Variants in CD47 observed in about 807,000 individuals in gnomAD.
The protein encoded by CD47 is leukocyte surface antigen CD47.
CD47 carries 11 observed loss-of-function variants against 44.6 expected under a neutral mutation model. That is an observed-to-expected ratio of 0.25 (90% CI 0.16 to 0.41). The LOEUF (loss-of-function observed/expected upper bound fraction) is 0.41. Among genes scored for constraint, CD47 ranks in the 10% least tolerant of loss-of-function variants. The pLI is 1.00. For synonymous variants in CD47, 140 were observed against 136.3 expected, an observed-to-expected ratio of 1.03 and a Z score of -0.19; for missense variants, 306 against 386.7, an observed-to-expected ratio of 0.79 and a Z score of 1.75.
chr3:108,084,078 T>C (rs1206048660), intron 1 of CD47, among the ~76,000 whole-genome samples: 1 of 151,918 alleles, frequency 6.6e-6, no homozygotes, highest in Non-Finnish European at 1.5e-5. Context: ...ATTGCTTGAA[T>C]ATTTGCCAAC....
intron 3 of CD47, among the ~76,000 whole-genome samples, chr3:108,069,908 T>C (rs1172355638): frequency 6.6e-6 from 1 of 152,060 alleles, no homozygotes; most frequent in Non-Finnish European, 1.5e-5. Flanking sequence ...AACTAAGAGA[T>C]TATAAGAAAA....
At chr3:108,080,930 C>T (rs187921882) in intron 1 of CD47, among the ~76,000 whole-genome samples, 93 of 151,540 alleles carry the variant, frequency 6.1e-4, no homozygotes, top group African/African-American at 2.2e-3. Context: ...TCTTAAAATA[C>T]TAATGAGGAA....
At chr3:108,068,016 C>T (rs1455090686) in intron 3 of CD47, among the ~76,000 whole-genome samples, 1 of 152,148 alleles carries the variant, frequency 6.6e-6, no homozygotes, top group Non-Finnish European at 1.5e-5. Flanking sequence ...GCTGGAAAAA[C>T]CACTGAGAGA....
chr3:108,047,682 G>T (rs886235689), intron 10 of CD47, among the ~76,000 whole-genome samples: 1 of 152,178 alleles, frequency 6.6e-6, no homozygotes, highest in Non-Finnish European at 1.5e-5. Flanking sequence ...AGAGAAAAAT[G>T]GTACTGACTC....
intron 3 of CD47, among the ~76,000 whole-genome samples, chr3:108,067,819 G>A (rs2079130171): frequency 6.6e-6 from 1 of 152,206 alleles, no homozygotes; most frequent in Non-Finnish European, 1.5e-5. Context: ...GAGTTTAAGA[G>A]TCTTCTCAGG....
Position 108,047,215 on chromosome 3 carries a change from T to G in CD47, c.*73A>C, listed in dbSNP as rs1395632200. ...CCCCAACAGTGAATCATCAAGGCCATGGTGCTTAAACACAAGTGTATTCCT... is the reference window on the plus strand; with the variant it reads ...CCCCAACAGTGAATCATCAAGGCCAGGGTGCTTAAACACAAGTGTATTCCT... On this transcript the variant is annotated 3_prime_UTR_variant, in exon 11 of 11. Transcript: ENST00000361309. The G allele has an allele frequency of 7.9e-7, 1 of 1,265,442 alleles. No homozygotes were observed. The highest frequency in any genetic ancestry group is 1.1e-6 in the Non-Finnish European group (1 of 877,338). The allele number at this position is 1,265,442 out of a possible 1,614,324, so 78.4% of individuals were successfully genotyped here. A position where few individuals can be genotyped will look rare whatever the true frequency, so the allele number is the denominator to read the frequency against.
chr3:108,057,513 C>A lies in CD47; in HGVS notation c.841G>T (p.Ala281Ser). 6.3e-7 allele frequency: 1 copy of A among 1,580,226 alleles called. No homozygotes were observed. The part of the protein sequence containing the change: ...LISGLSILAL[A>S]QLLGLVYMKF... ...ATATAAACTAGTCCAAGTAATTGTG[C>A]TAGAGCTAAGATACTCAAACCTGAA... The change falls in exon 7 of 11, where the codon GCA (alanine) becomes TCA (serine). Residue 281 changes from alanine to serine, a missense_variant. Physicochemically the swap from Ala to Ser is moderately conservative, Grantham distance 99. This residue lies in a region of CD47 where 131 missense variants were observed against 135.3 expected (regional missense o/e 0.97). Transcript: ENST00000361309.
At chr3:108,084,073 T>A (rs1195720997) in intron 1 of CD47, among the ~76,000 whole-genome samples, 3 of 151,944 alleles carry the variant, frequency 2.0e-5, no homozygotes, top group Non-Finnish European at 2.9e-5. Context: ...TAAAAATTGC[T>A]TGAATATTTG....
At chr3:108,079,954 G>C (rs767597677) in intron 2 of CD47, 37 bp downstream of exon 2, 3 of 1,435,592 alleles carry the variant, frequency 2.1e-6, no homozygotes, top group East Asian at 4.6e-5. Context: ...GGTTGCACCA[G>C]GACAAATAAA....
chr3:108,051,327 T>C (rs938372979), intron 8 of CD47, among the ~76,000 whole-genome samples: 1 of 152,244 alleles, frequency 6.6e-6, no homozygotes, highest in African/African-American at 2.4e-5. Flanking sequence ...TTTATAAATA[T>C]GCTTTTCTCT....
intron 8 of CD47, 195 bp from the exon 9 acceptor site, chr3:108,050,797 TA>T: frequency 2.0e-6 from 1 of 501,574 alleles, no homozygotes; most frequent in Middle Eastern, 3.9e-4. Flanking sequence ...GTTAATAGTT[TA>T]ATAATAACTG....
intron 2 of CD47, among the ~76,000 whole-genome samples, chr3:108,074,719 G>C (rs1188967987): frequency 7.6e-6 from 1 of 131,354 alleles, no homozygotes; most frequent in Non-Finnish European, 1.6e-5. Context: ...GGTGGGGGGG[G>C]GGGGCACACA....
At chr3:108,090,758 C>T in intron 1 of CD47, 105 bp downstream of exon 1, 1 of 1,062,934 alleles carries the variant, frequency 9.4e-7, no homozygotes, top group Non-Finnish European at 1.3e-6. Context: ...TTCTGCGCCC[C>T]GGCCACCCTC....
chr3:108,082,476 T>G (rs2079437570), intron 1 of CD47, among the ~76,000 whole-genome samples: 1 of 152,042 alleles, frequency 6.6e-6, no homozygotes, highest in African/African-American at 2.4e-5. Context: ...AATGTGTCTG[T>G]TTTTCCAATT....
intron 7 of CD47, chr3:108,053,645 T>C (rs773140353): frequency 6.6e-6 from 1 of 152,280 alleles, no homozygotes; most frequent in Non-Finnish European, 1.5e-5. Context: ...TGATATGGAA[T>C]GGATCCTTCC....
chr3:108,089,614 C>T (rs1265772131), intron 1 of CD47, among the ~76,000 whole-genome samples: 1 of 152,070 alleles, frequency 6.6e-6, no homozygotes, highest in African/African-American at 2.4e-5. Flanking sequence ...AACGTGATGA[C>T]AGGAAACACT....
At chr3:108,054,588 G>A (rs954171976) in intron 7 of CD47, 4 of 152,134 alleles carry the variant, frequency 2.6e-5, no homozygotes, top group African/African-American at 4.8e-5. Context: ...CATTCCATAT[G>A]AGCATACTTG....
At chr3:108,057,957 T>G (rs924283850) in intron 6 of CD47, among the ~76,000 whole-genome samples, 2 of 152,126 alleles carry the variant, frequency 1.3e-5, no homozygotes, top group South Asian at 2.1e-4. Flanking sequence ...TGGGGTAAAT[T>G]GGAAGTTTAA....
intron 1 of CD47, among the ~76,000 whole-genome samples, chr3:108,084,043 G>A (rs2079469438): frequency 6.6e-6 from 1 of 151,662 alleles, no homozygotes; most frequent in African/African-American, 2.4e-5. Flanking sequence ...TTTACAAGGT[G>A]TTGTTTTTGT....
Sources: allele counts gnomAD v4.1 joint callset (sites outside exome capture counted in the v4.1 genomes callset), GRCh38; gene constraint gnomAD v4.1.1; regional missense constraint gnomAD v4.1.1; transcripts MANE v1.5; gene names NCBI Gene and HGNC (gene_info 2026-07-23, HGNC 2026-07-21).